ACAP1: variants seen among roughly 807,000 people sequenced by gnomAD.
The protein encoded by ACAP1 is ArfGAP with coiled-coil, ankyrin repeat and PH domains 1.
Under a neutral mutation model 98.8 loss-of-function variants are expected in ACAP1, and 45 were observed. That is an observed-to-expected ratio of 0.46 (90% confidence interval 0.36 to 0.58). ACAP1 has a LOEUF of 0.58. Ranked by LOEUF, ACAP1 falls within the 20% of genes least tolerant of loss-of-function variation. The probability of loss-of-function intolerance (pLI) is 0.00; values close to 1 mark genes in which losing one functional copy is unlikely to be tolerated. For synonymous variants in ACAP1, 362 were observed against 375.3 expected, an observed-to-expected ratio of 0.96 and a Z score of 0.41; for missense variants, 735 against 971.4, an observed-to-expected ratio of 0.76 and a Z score of 3.24.
intron 13 of ACAP1, 21 bp downstream of exon 13, chr17:7,346,952 G>A (rs371985610): frequency 2.4e-5 from 38 of 1,600,696 alleles, no homozygotes; most frequent in African/African-American, 1.7e-4. Context: ...CTGGGGGTGC[G>A]GAGCCAGGCT....
chr17:7,349,341 C>A, intron 18 of ACAP1, 174 bp downstream of exon 18: 2 of 688,264 alleles, frequency 2.9e-6, no homozygotes, highest in Non-Finnish European at 2.3e-6. Context: ...AGGCAGAGAA[C>A]CTGAGTTTGA....
At position 7,343,685 on chromosome 17, in the gene ACAP1, C is replaced by A. The variant is rs777476726; in HGVS notation, c.529-21C>A. The A allele has an allele frequency of 6.8e-6, 11 of 1,611,430 alleles. No homozygotes were observed. In the Admixed American group the frequency reaches 1.3e-4, roughly 20 times the overall value. On this transcript the variant is annotated intron_variant, in intron 6 of 21. Coordinates refer to ENST00000158762, the MANE Select transcript of ACAP1 (RefSeq NM_014716.4). This position sits in a 1 kb window ranked among gnomAD's most constrained non-coding sequence, Gnocchi z 4.9. ...TTCAAGACTGATCTGGGGTTTTTTA[C>A]GTCCTCTTTTACGTCCTCAGATCAA...
intron 2 of ACAP1, among the ~76,000 whole-genome samples, chr17:7,340,932 CAGCCTCCCAA>C (rs1253948349): frequency 6.6e-6 from 1 of 152,158 alleles, no homozygotes; most frequent in Non-Finnish European, 1.5e-5. Context: ...CCACCCACCT[CAGCCTCCCAA>C]AGTGTTGAGA....
intron 2 of ACAP1, among the ~76,000 whole-genome samples, chr17:7,338,507 C>T (rs1481763915): frequency 6.6e-6 from 1 of 152,100 alleles, no homozygotes; most frequent in African/African-American, 2.4e-5. Flanking sequence ...AAATGATCTA[C>T]CTGCCGCAGC....
chr17:7,336,803 T>C lies in ACAP1; in HGVS notation c.53+16T>C. On this transcript the variant is annotated intron_variant, in intron 1 of 21. Coordinates refer to ENST00000158762, the MANE Select transcript of ACAP1 (RefSeq NM_014716.4). The stretch of plus-strand genomic sequence containing the variant: ...CCCGTTTCCGGTAAGTGTGAACTGG[T>C]CTGGGGGGCTAAGGAGGGGAAAGTC... 4 of 1,613,608 alleles carry C rather than the reference T, an allele frequency of 2.5e-6. No homozygotes were observed. Among genetic ancestry groups the C allele is most frequent in the Non-Finnish European group, 2.5e-6 (3 of 1,179,612 alleles).
chr17:7,339,407 G>A (rs948449564), intron 2 of ACAP1, among the ~76,000 whole-genome samples: 2 of 152,070 alleles, frequency 1.3e-5, no homozygotes, highest in African/African-American at 4.8e-5. Flanking sequence ...TCAGGACTTC[G>A]AGAACAGCCT....
rs777376993 is a variant in ACAP1 at position 7,348,331 on chromosome 17, G to C, written c.1534G>C (p.Ala512Pro). Residue 512 changes from alanine (A) to proline (P), a missense_variant, in exon 17 of 22, where the codon GCT (alanine) becomes CCT (proline). Physicochemically the swap from Ala to Pro is conservative, Grantham distance 27. Transcript: ENST00000158762. Reference protein sequence around the residue: ...SRQEKEAWIHAKYVEKKFLTK... With the variant: ...SRQEKEAWIHPKYVEKKFLTK... ...GCAGGAGAAGGAGGCCTGGATTCAC[G>C]CTAAATACGTGGAGAAGAAGTTCCT... The C allele has an allele frequency of 6.3e-7, 1 of 1,576,406 alleles. No homozygotes were observed. Among genetic ancestry groups the C allele is most frequent in the Non-Finnish European group, 8.6e-7 (1 of 1,160,036 alleles).
intron 2 of ACAP1, among the ~76,000 whole-genome samples, chr17:7,341,698 G>A (rs188989685): frequency 8.5e-5 from 13 of 152,334 alleles, no homozygotes; most frequent in East Asian, 3.9e-4. Context: ...AGGTGTTGGC[G>A]ACAGGCTGAG....
intron 14 of ACAP1, 186 bp from the exon 15 acceptor site, chr17:7,347,736 G>A (rs1005444306): frequency 2.5e-5 from 15 of 605,368 alleles, no homozygotes; most frequent in African/African-American, 2.2e-4. Context: ...ACGAGGCAGA[G>A]TCCTGCCAGG....
Position 7,346,262 on chromosome 17 carries a change from G to C in ACAP1, c.873G>C (p.Gln291His). 1.2e-6 allele frequency: 2 copies of C among 1,614,190 alleles called. No homozygotes were observed. The highest frequency in any genetic ancestry group is 3.3e-5 in the Admixed American group (2 of 60,030). Residue 291 changes from glutamine to histidine, a missense_variant, in exon 11 of 22, where the codon CAG (glutamine) becomes CAC (histidine). Physicochemically the swap from Gln to His is conservative, Grantham distance 24 (BLOSUM62 0). Around this residue, in one of 5 missense-constraint regions of ACAP1, gnomAD observed 430 missense variants for 531.8 expected, o/e 0.81. Transcript: ENST00000158762. ...KTWSRRWFTI[Q>H]SNQLVYQKKY... Reference sequence around the variant, plus strand: ...CTTACAGACGCTGGTTCACCATTCAGAGCAACCAACTGGTTTACCAGAAGA... The same window carrying C: ...CTTACAGACGCTGGTTCACCATTCACAGCAACCAACTGGTTTACCAGAAGA...
chr17:7,343,329 TG>T lies in ACAP1; in HGVS notation c.345-46del. ...GGGCTTTACCCTGGGAATGCTCTGC[TG>T]GGGCAGGTGGGTGTTAGCTGCGATT... On this transcript the variant is annotated intron_variant, in intron 5 of 21. Coordinates refer to ENST00000158762, the MANE Select transcript of ACAP1 (RefSeq NM_014716.4). The surrounding 1 kb of genome is among the most constrained non-coding windows in gnomAD (Gnocchi z 4.9). 1 of 1,560,876 alleles carries T rather than the reference TG, an allele frequency of 6.4e-7. No homozygotes were observed. Among genetic ancestry groups the T allele is most frequent in the Non-Finnish European group, 8.7e-7 (1 of 1,146,578 alleles).
rs1215372383 is a variant in ACAP1, at chr17:7,350,245, T to G, written c.2072+8T>G. ...CGCTGACATCGTCACCCTGTAAGAA[T>G]GCCTGAAGGGGCGGGGCTGGCGCTG... On this transcript the variant is annotated splice_region_variant and intron_variant, in intron 20 of 21. Transcript: ENST00000158762. This position sits in a 1 kb window ranked among gnomAD's most constrained non-coding sequence, Gnocchi z 4.6. 1.2e-6 allele frequency: 2 copies of G among 1,602,430 alleles called. No homozygotes were observed. The highest frequency in any genetic ancestry group is 2.7e-5 in the African/African-American group (2 of 74,418).
At chr17:7,339,424 C>T (rs1424155486) in intron 2 of ACAP1, among the ~76,000 whole-genome samples, 72 of 152,108 alleles carry the variant, frequency 4.7e-4, no homozygotes, top group Non-Finnish European at 1.0e-4. Flanking sequence ...GCCTGACCAA[C>T]ATGATGAAAC....
At position 7,343,433 on chromosome 17, in the gene ACAP1, C is replaced by A; in HGVS notation, c.399C>A (p.Ser133Arg). The A allele has an allele frequency of 6.2e-7, 1 of 1,613,970 alleles. No homozygotes were observed. Among genetic ancestry groups the A allele is most frequent in the Non-Finnish European group, 8.5e-7 (1 of 1,180,002 alleles). ...ARRDFWRGAE[S>R]LEAALTHNAE... ...GGGATTTCTGGCGGGGGGCTGAGAG[C>A]CTGGAGGCTGCCCTGACCCACAACG... The change falls in exon 6 of 22, where the codon AGC becomes AGA. Residue 133 changes from serine (S) to arginine (R), a missense_variant. Around this residue, in one of 5 missense-constraint regions of ACAP1, gnomAD observed 430 missense variants for 531.8 expected, o/e 0.81. Transcript: ENST00000158762. This position sits in a 1 kb window ranked among gnomAD's most constrained non-coding sequence, Gnocchi z 4.9.
chr17:7,347,767 C>T (rs117461665), intron 14 of ACAP1, 155 bp from the exon 15 acceptor site: 1,037 of 637,190 alleles, frequency 1.6e-3, no homozygotes, highest in Non-Finnish European at 2.5e-3. Context: ...GGCTACATGG[C>T]GGTTACATGG....
rs952296871 is a variant in ACAP1, at chr17:7,348,718, G to A, written c.1678+243G>A. On this transcript the variant is annotated intron_variant, in intron 17 of 21. Coordinates refer to ENST00000158762, the MANE Select transcript of ACAP1 (RefSeq NM_014716.4). ...CAAGAAAAGGAGAGAGAGAGGGGGT[G>A]GGTTTGGCTGGAGCGTCAGGGGTTG... The A allele has an allele frequency of 8.5e-5, 50 of 584,976 alleles. 1 individual carries two copies. In the Middle Eastern group the frequency reaches 2.3e-3, roughly 26 times the overall value. The allele number at this position is 584,976 out of a possible 1,614,324, so 36.2% of individuals were successfully genotyped here. A position where few individuals can be genotyped will look rare whatever the true frequency, so the allele number is the denominator to read the frequency against.
At chr17:7,337,499 C>A in intron 2 of ACAP1, 130 bp downstream of exon 2, 2 of 850,424 alleles carry the variant, frequency 2.4e-6, no homozygotes, top group Non-Finnish European at 3.8e-6. Flanking sequence ...ATTTTGGAGA[C>A]TGCAGAGAAG....
chr17:7,350,714 T>G lies in ACAP1; in HGVS notation c.2073-236T>G, dbSNP rs1237607016. 5 of 474,632 alleles carry G rather than the reference T, an allele frequency of 1.1e-5. No homozygotes were observed. Among genetic ancestry groups the G allele is most frequent in the Non-Finnish European group, 1.9e-5 (5 of 260,940 alleles). The allele number at this position is 474,632 out of a possible 1,614,324, so 29.4% of individuals were successfully genotyped here. A position where few individuals can be genotyped will look rare whatever the true frequency, so the allele number is the denominator to read the frequency against. On this transcript the variant is annotated intron_variant, in intron 20 of 21. Coordinates refer to ENST00000158762, the MANE Select transcript of ACAP1 (RefSeq NM_014716.4). The surrounding 1 kb of genome is among the most constrained non-coding windows in gnomAD (Gnocchi z 4.6). The stretch of plus-strand genomic sequence containing the variant: ...ACCCCCGCCTCCCGGGTTCAAGCGA[T>G]TCTCCTGTCTCAGCCTCCCCTGAGT...
At position 7,348,382 on chromosome 17, in the gene ACAP1, C is replaced by G. The variant is rs755610469; in HGVS notation, c.1585C>G (p.Arg529Gly). The G allele has an allele frequency of 3.2e-6, 5 of 1,570,254 alleles. No individual in the cohort carries two copies. The Admixed American group carries it at 9.2e-5, about 29-fold the overall frequency. The change falls in exon 17 of 22, where the codon CGA becomes GGA. Residue 529 changes from arginine to glycine, a missense_variant. Physicochemically the swap from Arg to Gly is moderately radical, Grantham distance 125. This residue lies in a region of ACAP1 where 80 missense variants were observed against 64.4 expected (regional missense o/e 1.24). Transcript: ENST00000158762. Reference protein sequence around the residue: ...FLTKLPEIRGRRGGRGRPRGQ... With the variant: ...FLTKLPEIRGGRGGRGRPRGQ... ...GACCAAGCTGCCTGAGATTCGAGGG[C>G]GAAGAGGTGGCCGGGGGCGCCCAAG...
Sources: allele counts gnomAD v4.1 joint callset (sites outside exome capture counted in the v4.1 genomes callset), GRCh38; gene constraint gnomAD v4.1.1; regional missense constraint gnomAD v4.1.1; non-coding constraint Gnocchi (gnomAD v3.1); transcripts MANE v1.5; gene names NCBI Gene and HGNC (gene_info 2026-07-23, HGNC 2026-07-21).